Variants in PARVA observed in about 807,000 individuals in gnomAD.
PARVA encodes parvin alpha.
PARVA carries 25 observed loss-of-function variants against 52.6 expected under a neutral mutation model. The observed-to-expected ratio is 0.48, with a 90% CI of 0.35 to 0.66. The LOEUF is 0.66. PARVA is among the 30% of genes least tolerant of loss of function. The pLI, the probability that PARVA is intolerant of heterozygous loss-of-function variation, is 0.01. For missense variants in PARVA, 373 were observed against 450.9 expected (o/e 0.83, Z 1.56); for synonymous variants, 185 against 179.1 (o/e 1.03, Z -0.26).
chr11:12,454,716 C>T (rs922195932), intron 1 of PARVA, among the ~76,000 whole-genome samples: 2 of 152,188 alleles, frequency 1.3e-5, no homozygotes, highest in African/African-American at 4.8e-5. Context: ...ATTCACACTT[C>T]CCATCTGACC....
At chr11:12,388,276 A>G (rs1175922271) in intron 1 of PARVA, among the ~76,000 whole-genome samples, 1 of 152,164 alleles carries the variant, frequency 6.6e-6, no homozygotes, top group African/African-American at 2.4e-5. Context: ...GTGGATCACT[A>G]TAGGACTTAC....
intron 8 of PARVA, among the ~76,000 whole-genome samples, chr11:12,511,814 C>T (rs948532194): frequency 6.6e-5 from 10 of 152,088 alleles, no homozygotes; most frequent in Admixed American, 2.6e-4. Context: ...CATGAAGCCA[C>T]GATTACACCC....
chr11:12,503,444 G>C (rs972483143), intron 5 of PARVA, among the ~76,000 whole-genome samples: 7 of 152,200 alleles, frequency 4.6e-5, no homozygotes, highest in Middle Eastern at 3.4e-3. Flanking sequence ...CATGGGACCG[G>C]GAGAGAGCTG....
At chr11:12,505,358 G>A (rs906595815) in intron 6 of PARVA, among the ~76,000 whole-genome samples, 2 of 152,178 alleles carry the variant, frequency 1.3e-5, no homozygotes, top group Non-Finnish European at 2.9e-5. Context: ...TGTCAGACCA[G>A]GCCAGTTTCC....
chr11:12,446,608 A>AG (rs1940551496), intron 1 of PARVA, among the ~76,000 whole-genome samples: 1 of 152,258 alleles, frequency 6.6e-6, no homozygotes, highest in Non-Finnish European at 1.5e-5. Context: ...GCTAGGATCA[A>AG]TGAATATTAT....
intron 1 of PARVA, among the ~76,000 whole-genome samples, chr11:12,419,976 T>C (rs142092977): frequency 9.2e-5 from 14 of 152,286 alleles, no homozygotes; most frequent in Non-Finnish European, 1.9e-4. Context: ...ATGAGGAAAA[T>C]ATATTATTTT....
chr11:12,404,977 AG>A (rs1234890014), intron 1 of PARVA, among the ~76,000 whole-genome samples: 1 of 152,210 alleles, frequency 6.6e-6, no homozygotes, highest in Non-Finnish European at 1.5e-5. Context: ...CAGTTTACAA[AG>A]GTGGGAATCT....
At chr11:12,407,644 A>T (rs1055197958) in intron 1 of PARVA, among the ~76,000 whole-genome samples, 1 of 152,098 alleles carries the variant, frequency 6.6e-6, no homozygotes, top group African/African-American at 2.4e-5. Flanking sequence ...CACCCTCCTA[A>T]ATGTCCCCAG....
intron 1 of PARVA, among the ~76,000 whole-genome samples, chr11:12,390,169 T>C (rs1374488427): frequency 2.6e-5 from 4 of 152,222 alleles, no homozygotes; most frequent in Non-Finnish European, 5.9e-5. Flanking sequence ...GAAACATTCA[T>C]AGGCAGAATC....
At position 12,473,721 on chromosome 11, in the gene PARVA, A is replaced by G. The variant is rs774537157; in HGVS notation, c.137-24A>G. The G allele has an allele frequency of 9.1e-6, 14 of 1,534,130 alleles. No homozygotes were observed. In the African/African-American group the frequency reaches 1.8e-4, roughly 20 times the overall value. On this transcript the variant is annotated intron_variant, in intron 1 of 12. Coordinates refer to ENST00000334956, the MANE Select transcript of PARVA (RefSeq NM_018222.5). The stretch of plus-strand genomic sequence containing the variant: ...CCTGCCGTCCGTCAGCTGAAATGTG[A>G]CCCTGCTCTTCCTTTTCTTCCAGTG...
At chr11:12,522,336 G>A (rs1941646862) in intron 12 of PARVA, among the ~76,000 whole-genome samples, 1 of 151,364 alleles carries the variant, frequency 6.6e-6, no homozygotes, top group Non-Finnish European at 1.5e-5. Context: ...AAAAGCAAGT[G>A]TAAAACTGGA....
Position 12,397,515 on chromosome 11 carries a change from C to T in PARVA, c.136+19732C>T, listed in dbSNP as rs554228783. Among the ~76,000 whole-genome samples the T allele has an allele frequency of 2.6e-5, 4 of 152,324 alleles. No homozygotes were observed. The South Asian group carries it at 8.3e-4, about 32-fold the overall frequency. Reference sequence around the variant, plus strand: ...AAGTTTGGATTTTGCTGGATTTTACCATATTGCTCTCCAAAAAGGAAATGA... The same window carrying T: ...AAGTTTGGATTTTGCTGGATTTTACTATATTGCTCTCCAAAAAGGAAATGA... On this transcript the variant is annotated intron_variant, in intron 1 of 12. Transcript: ENST00000334956.
intron 1 of PARVA, among the ~76,000 whole-genome samples, chr11:12,408,447 A>G (rs904152032): frequency 6.6e-6 from 1 of 152,138 alleles, no homozygotes; most frequent in African/African-American, 2.4e-5. Context: ...GTTTCACTGC[A>G]CTTCACAAAG....
intron 1 of PARVA, among the ~76,000 whole-genome samples, chr11:12,427,938 C>T (rs576924690): frequency 6.6e-5 from 10 of 152,156 alleles, no homozygotes; most frequent in African/African-American, 1.7e-4. Flanking sequence ...CTGACCAGGG[C>T]GGAAAAGGGC....
At chr11:12,394,932 A>G (rs1019095926) in intron 1 of PARVA, among the ~76,000 whole-genome samples, 9 of 152,108 alleles carry the variant, frequency 5.9e-5, no homozygotes, top group Non-Finnish European at 1.2e-4. Flanking sequence ...TCTCTACTAA[A>G]AATACAAAAT....
chr11:12,517,908 C>T (rs1294097026), intron 11 of PARVA, among the ~76,000 whole-genome samples, 197 bp downstream of exon 11: 1 of 152,214 alleles, frequency 6.6e-6, no homozygotes, highest in East Asian at 1.9e-4. Context: ...TCCCTGACTG[C>T]CTTTCCCTTG....
rs1349493619 is a variant in PARVA at position 12,531,219 on chromosome 11, G to A, written c.*3294G>A. 2.6e-5 allele frequency among the ~76,000 whole-genome samples: 4 copies of A among 152,306 alleles called. No homozygotes were observed. The highest frequency in any genetic ancestry group is 4.1e-4 in the South Asian group (2 of 4,826). ...TGCAGGCACAGAGATGACATTTCCC[G>A]ATCTGGGAGAAGGCTTCTTTATCAG... On this transcript the variant is annotated 3_prime_UTR_variant, in exon 13 of 13. Coordinates refer to ENST00000334956, the MANE Select transcript of PARVA (RefSeq NM_018222.5).
intron 1 of PARVA, among the ~76,000 whole-genome samples, chr11:12,442,420 G>T (rs772423196): frequency 3.9e-5 from 6 of 152,222 alleles, no homozygotes; most frequent in Non-Finnish European, 7.3e-5. Flanking sequence ...ACTTAGGATG[G>T]TGGATGGCCA....
At chr11:12,479,688 T>C (rs540141387) in intron 4 of PARVA, 1 of 152,384 alleles carries the variant, frequency 6.6e-6, no homozygotes, top group South Asian at 2.1e-4. Context: ...TGAGGGACTA[T>C]ATATACACTT....
Sources: gnomAD v4.1 joint callset for allele counts (sites outside exome capture counted in the v4.1 genomes callset) on GRCh38, gnomAD v4.1.1 for gene constraint, MANE v1.5 for transcripts, NCBI Gene and HGNC (gene_info 2026-07-23, HGNC 2026-07-21) for gene names.